PSD4: variants seen among roughly 807,000 people sequenced by gnomAD.
PSD4 encodes the protein pleckstrin and Sec7 domain containing 4, also known as PH and SEC7 domain-containing protein 4.
PSD4 carries 59 observed loss-of-function variants against 112.5 expected under a neutral mutation model. That is an observed-to-expected ratio of 0.52 (90% confidence interval 0.43 to 0.65). The LOEUF is 0.65. Among genes scored for constraint, PSD4 ranks in the 30% least tolerant of loss-of-function variants. The pLI is 0.00. For synonymous variants in PSD4, 533 were observed against 540.0 expected (o/e 0.99, Z 0.18); for missense variants, 1,267 against 1,352.6 (o/e 0.94, Z 0.99).
intron 1 of PSD4, among the ~76,000 whole-genome samples, chr2:113,176,244 G>C (rs747195479): frequency 1.3e-5 from 2 of 152,250 alleles, no homozygotes; most frequent in Admixed American, 6.5e-5. Flanking sequence ...CGGGTGCCAG[G>C]TGTCAGCTGG....
rs1168309766 is a variant in PSD4, at chr2:113,183,377, G to A, written c.921G>A (p.Gly307=). 2 of 1,578,894 alleles carry A rather than the reference G, an allele frequency of 1.3e-6. No individual in the cohort carries two copies. The highest frequency in any genetic ancestry group is 2.2e-5 in the East Asian group (1 of 44,576). ...LWELESEPDL[G]DGAAISGHCT... ...AGCTGGAAAGTGAGCCAGATTTGGG[G>A]GACGGCGCTGCTATCAGTGGGCATT... The change falls in exon 2 of 17, where the codon GGG becomes GGA. Residue 307 remains glycine (G), a synonymous_variant. Transcript: ENST00000245796.
At chr2:113,195,862 A>G (rs1688593379) in intron 11 of PSD4, 92 bp downstream of exon 11, 10 of 1,530,278 alleles carry the variant, frequency 6.5e-6, no homozygotes, top group Non-Finnish European at 7.2e-6. Context: ...AGTTAGAGAA[A>G]CTCAGATAGT....
At position 113,208,465 on chromosome 2, in the gene PSD4, CCT is replaced by C. The variant is rs1201821150; in HGVS notation, c.*7053_*7054del. ...CCTGCAAACTAGTCCTCTCCTGACT[CCT>C]CTGTTTCTGTGAGTGATTCTGCGAT... On this transcript the variant is annotated 3_prime_UTR_variant, in exon 17 of 17. Transcript: ENST00000245796. 6.6e-6 allele frequency: 1 copy of C among 152,264 alleles called. No individual in the cohort carries two copies. The highest frequency in any genetic ancestry group is 1.5e-5 in the Non-Finnish European group (1 of 68,070). 9.4% of individuals were successfully genotyped at this position (152,264 alleles called of 1,614,324 possible). A position where few individuals can be genotyped will look rare whatever the true frequency, so the allele number is the denominator to read the frequency against.
intron 2 of PSD4, 107 bp from the exon 3 acceptor site, chr2:113,184,850 C>G (rs1688248493): frequency 6.7e-7 from 1 of 1,501,326 alleles, no homozygotes; most frequent in African/African-American, 1.4e-5. Flanking sequence ...TCAGGGCAGA[C>G]TGTGAAGGGA....
Position 113,205,552 on chromosome 2 carries a change from C to T in PSD4, c.*4137C>T, listed in dbSNP as rs2104513671. 1 of 152,262 alleles carries T rather than the reference C, an allele frequency of 6.6e-6. No homozygotes were observed. Among genetic ancestry groups the T allele is most frequent in the Admixed American group, 6.5e-5 (1 of 15,290 alleles). 9.4% of individuals were successfully genotyped at this position (152,262 alleles called of 1,614,324 possible). A position where few individuals can be genotyped will look rare whatever the true frequency, so the allele number is the denominator to read the frequency against. ...GGCTGAAGCAGGAGAATGGCTTGAA[C>T]CCAGGAGGCGGAGGTTGCAGTGAGC... On this transcript the variant is annotated 3_prime_UTR_variant, in exon 17 of 17. Transcript: ENST00000245796.
rs371734883 is a variant in PSD4 at position 113,195,784 on chromosome 2, C to T, written c.2225+14C>T. 9.3e-6 allele frequency: 15 copies of T among 1,614,004 alleles called. No individual in the cohort carries two copies. The highest frequency in any genetic ancestry group is 1.7e-5 in the Admixed American group (1 of 60,000). On this transcript the variant is annotated intron_variant, in intron 11 of 16. Coordinates refer to ENST00000245796, the MANE Select transcript of PSD4 (RefSeq NM_012455.3). ...CGAGTGGGCCGTGTGAGTGAGACTC[C>T]CTTTCCCCTCTCCCTCTCACCCCTC...
intron 5 of PSD4, among the ~76,000 whole-genome samples, chr2:113,188,676 G>A (rs1228877083): frequency 6.6e-6 from 1 of 152,104 alleles, no homozygotes; most frequent in Non-Finnish European, 1.5e-5. Flanking sequence ...TGCCTCCCAA[G>A]TTCAGGCCAT....
intron 16 of PSD4, among the ~76,000 whole-genome samples, chr2:113,199,671 A>C (rs1335405229): frequency 1.3e-5 from 2 of 152,334 alleles, no homozygotes; most frequent in African/African-American, 4.8e-5. Context: ...TGTCTCATTC[A>C]ATTAACAGCT....
In PSD4 at chr2:113,205,726, A is replaced by T. The variant is rs1301922846; in HGVS notation, c.*4311A>T. ...GCACTGTACTATTTGTGTAACTTAT[A>T]TGTAAATCTGAAATTATTTCAAAAT... On this transcript the variant is annotated 3_prime_UTR_variant, in exon 17 of 17. Transcript: ENST00000245796. 6.6e-6 allele frequency: 1 copy of T among 152,246 alleles called. No individual in the cohort carries two copies. Among genetic ancestry groups the T allele is most frequent in the African/African-American group, 2.4e-5 (1 of 41,462 alleles). The allele number at this position is 152,246 out of a possible 1,614,324, so 9.4% of individuals were successfully genotyped here. A position where few individuals can be genotyped will look rare whatever the true frequency, so the allele number is the denominator to read the frequency against.
At chr2:113,193,399 G>T (rs1330679067) in intron 8 of PSD4, 29 bp downstream of exon 8, 1 of 1,602,834 alleles carries the variant, frequency 6.2e-7, no homozygotes, top group East Asian at 2.2e-5. Flanking sequence ...TGACAGCAAA[G>T]CAGGGAAACT....
intron 1 of PSD4, among the ~76,000 whole-genome samples, chr2:113,174,350 C>G (rs925009107): frequency 2.6e-5 from 4 of 152,172 alleles, no homozygotes; most frequent in Admixed American, 6.5e-5. Context: ...TTCCCTGGCT[C>G]CCCGCAGAGC....
At chr2:113,192,742 A>G (rs983149702) in intron 6 of PSD4, among the ~76,000 whole-genome samples, 153 bp downstream of exon 6, 1 of 151,814 alleles carries the variant, frequency 6.6e-6, no homozygotes, top group Admixed American at 6.6e-5. Context: ...CCCTCACTGT[A>G]TCTGCTGCTT....
intron 2 of PSD4, among the ~76,000 whole-genome samples, chr2:113,183,971 A>G (rs945692512): frequency 6.6e-6 from 1 of 152,172 alleles, no homozygotes; most frequent in Non-Finnish European, 1.5e-5. Flanking sequence ...TCTCTTCTTG[A>G]CAGATTTCAG....
rs368370386 is a variant in PSD4 at position 113,201,170 on chromosome 2, G to C, written c.2926G>C (p.Glu976Gln). ...CTGTGTGTTGCAGAAAACCCGCTAC[G>C]AGACCTACGTGCAGCTGCTGGTGGC... is the stretch of plus-strand genomic sequence containing the variant. ...EYLEYEKTRY[E>Q]TYVQLLVARL... Residue 976 changes from glutamate (E) to glutamine (Q), a missense_variant, in exon 17 of 17, where the codon GAG becomes CAG. Physicochemically the swap from Glu to Gln is conservative, Grantham distance 29. Transcript: ENST00000245796. 1 of 1,611,506 alleles carries C rather than the reference G, an allele frequency of 6.2e-7. No homozygotes were observed. Among genetic ancestry groups the C allele is most frequent in the Non-Finnish European group, 8.5e-7 (1 of 1,178,052 alleles).
Position 113,192,547 on chromosome 2 carries a change from A to G in PSD4, c.1796A>G (p.Glu599Gly), listed in dbSNP as rs1688475248. 6.2e-7 allele frequency: 1 copy of G among 1,614,192 alleles called. No individual in the cohort carries two copies. Among genetic ancestry groups the G allele is most frequent in the Admixed American group, 1.7e-5 (1 of 60,028 alleles). ...WNLASRLYRL[E>G]GFRKSEVAAY... ...TTGGCCTCACGCCTCTATCGCCTGG[A>G]GGGCTTCCGGAAGTCTGAAGTGGCT... is the stretch of plus-strand genomic sequence containing the variant. Residue 599 changes from glutamate to glycine, a missense_variant, in exon 6 of 17, where the codon GAG becomes GGG. Around this residue, in one of 2 missense-constraint regions of PSD4, gnomAD observed 544 missense variants for 648.6 expected, o/e 0.84. Transcript: ENST00000245796.
intron 5 of PSD4, 101 bp downstream of exon 5, chr2:113,186,356 A>G: frequency 1.6e-6 from 2 of 1,262,560 alleles, no homozygotes; most frequent in Non-Finnish European, 2.2e-6. Context: ...GGAATTAAAC[A>G]TACCCATATT....
Position 113,177,866 on chromosome 2 carries a change from C to T in PSD4, c.-112+3812C>T, listed in dbSNP as rs1034247794. ...ACTGGCAACTACACACCGGGATAAA[C>T]GCTCAGAAAGTAAAAGCGAGGGGTG... On this transcript the variant is annotated intron_variant, in intron 1 of 16. Coordinates refer to ENST00000245796, the MANE Select transcript of PSD4 (RefSeq NM_012455.3). 7.2e-5 allele frequency among the ~76,000 whole-genome samples: 11 copies of T among 152,262 alleles called. No homozygotes were observed. In the South Asian group the frequency reaches 1.7e-3, roughly 23 times the overall value.
In PSD4 at chr2:113,201,365, C is replaced by T. The variant is rs768504488; in HGVS notation, c.3121C>T (p.Arg1041Cys). ...TAKVKRNISE[R>C]RTYRKIIPKR... Reference sequence around the variant, plus strand: ...CAAGGTGAAGCGCAACATCTCAGAGCGCAGAACCTACCGGAAGATCATCCC... The same window carrying T: ...CAAGGTGAAGCGCAACATCTCAGAGTGCAGAACCTACCGGAAGATCATCCC... The change falls in exon 17 of 17, where the codon CGC becomes TGC. Residue 1041 changes from arginine (R) to cysteine (C), a missense_variant. Arg to Cys is a radical substitution (Grantham distance 180). Coordinates refer to ENST00000245796, the MANE Select transcript of PSD4 (RefSeq NM_012455.3). 30 of 1,614,046 alleles carry T rather than the reference C, an allele frequency of 1.9e-5. No individual in the cohort carries two copies. The highest frequency in any genetic ancestry group is 2.4e-5 in the Non-Finnish European group (28 of 1,180,042).
intron 11 of PSD4, 41 bp from the exon 12 acceptor site, chr2:113,196,104 CTT>C: frequency 6.3e-7 from 1 of 1,587,758 alleles, no homozygotes; most frequent in Non-Finnish European, 8.6e-7. Context: ...TCCCAGTTCT[CTT>C]TGCATAGTCA....
Sources: allele counts gnomAD v4.1 joint callset (sites outside exome capture counted in the v4.1 genomes callset), GRCh38; gene constraint gnomAD v4.1.1; regional missense constraint gnomAD v4.1.1; transcripts MANE v1.5; gene names NCBI Gene and HGNC (gene_info 2026-07-23, HGNC 2026-07-21).